Variants in SORCS2 observed in about 807,000 individuals in gnomAD.
The protein encoded by SORCS2 is VPS10 domain-containing receptor SorCS2.
SORCS2 carries 100 observed loss-of-function variants against 141.6 expected under a neutral mutation model. The ratio of observed to expected loss-of-function variants is 0.71; its 90% CI spans 0.60 to 0.83. SORCS2 has a LOEUF of 0.83. Among genes scored for constraint, SORCS2 ranks in the 40% least tolerant of loss-of-function variants. SORCS2 has a pLI of 0.00. For missense variants in SORCS2, 1,646 were observed against 1,560.2 expected (o/e 1.05, Z -0.93); for synonymous variants, 789 against 676.9 (o/e 1.17, Z -2.57).
intron 3 of SORCS2, among the ~76,000 whole-genome samples, chr4:7,596,436 A>T (rs1472768571): frequency 6.6e-6 from 1 of 152,200 alleles, no homozygotes; most frequent in Non-Finnish European, 1.5e-5. Context: ...AGTGCCCTTC[A>T]GGTGCCAAGA....
At chr4:7,379,655 G>A (rs1722867654) in intron 1 of SORCS2, among the ~76,000 whole-genome samples, 1 of 152,194 alleles carries the variant, frequency 6.6e-6, no homozygotes, top group South Asian at 2.1e-4. Flanking sequence ...CCTGCCCAAA[G>A]CCACATAGCC....
intron 1 of SORCS2, among the ~76,000 whole-genome samples, chr4:7,386,106 C>A (rs1560239131): frequency 6.6e-6 from 1 of 151,778 alleles, no homozygotes; most frequent in African/African-American, 2.4e-5. Flanking sequence ...TGCACACACA[C>A]ATGGACATAC....
intron 3 of SORCS2, among the ~76,000 whole-genome samples, chr4:7,596,778 G>A (rs561864374): frequency 1.1e-4 from 16 of 152,194 alleles, no homozygotes; most frequent in African/African-American, 3.9e-4. Context: ...GAGGTGCAAG[G>A]GGCTTTCATG....
intron 3 of SORCS2, among the ~76,000 whole-genome samples, chr4:7,607,297 C>A (rs1465639075): frequency 2.0e-5 from 3 of 152,202 alleles, no homozygotes; most frequent in South Asian, 2.1e-4. Context: ...GAGACAGATG[C>A]TCCACGCAGA....
rs745781465 is a variant in SORCS2 at position 7,304,638 on chromosome 4, T to G, written c.481-91650T>G. 1.6e-4 allele frequency among the ~76,000 whole-genome samples: 24 copies of G among 152,226 alleles called. 1 individual carries two copies. The highest frequency in any genetic ancestry group is 3.1e-4 in the Non-Finnish European group (21 of 68,040). On this transcript the variant is annotated intron_variant, in intron 1 of 26. Coordinates refer to ENST00000507866, the MANE Select transcript of SORCS2 (RefSeq NM_020777.3). ...AGCCCTCGATTCTTCCTCTCAGAGC[T>G]GCACCTTGAGCTGAGTGGAGGGAGC...
intron 1 of SORCS2, among the ~76,000 whole-genome samples, chr4:7,268,061 T>C (rs930268113): frequency 2.4e-4 from 37 of 152,200 alleles, no homozygotes; most frequent in African/African-American, 8.7e-4. Flanking sequence ...TCTGGTTGTC[T>C]ACACAGCCTG....
intron 2 of SORCS2, chr4:7,434,262 G>A: frequency 6.2e-7 from 1 of 1,613,384 alleles, no homozygotes; most frequent in Non-Finnish European, 8.5e-7. Context: ...GGATGTTCAA[G>A]TCGGCCAAGG....
intron 3 of SORCS2, among the ~76,000 whole-genome samples, chr4:7,590,308 A>G (rs1716831350): frequency 6.6e-6 from 1 of 152,206 alleles, no homozygotes; most frequent in South Asian, 2.1e-4. Context: ...TTGATTACCG[A>G]ATGAGTCATG....
intron 2 of SORCS2, among the ~76,000 whole-genome samples, chr4:7,501,590 G>A (rs1223052808): frequency 2.0e-5 from 3 of 152,216 alleles, no homozygotes; most frequent in African/African-American, 4.8e-5. Context: ...ACTGAACCCT[G>A]GCAAGGCAGA....
At chr4:7,250,711 C>A (rs974237426) in intron 1 of SORCS2, among the ~76,000 whole-genome samples, 3 of 152,200 alleles carry the variant, frequency 2.0e-5, no homozygotes, top group African/African-American at 7.2e-5. Context: ...TACAAAGAGG[C>A]GAGGCCGAGG....
intron 1 of SORCS2, among the ~76,000 whole-genome samples, chr4:7,257,845 C>T (rs1235695222): frequency 6.6e-6 from 1 of 152,216 alleles, no homozygotes; most frequent in Non-Finnish European, 1.5e-5. Flanking sequence ...CCATTGGGTT[C>T]AGTCAACGAG....
chr4:7,340,492 G>A (rs1248789918), intron 1 of SORCS2, among the ~76,000 whole-genome samples: 2 of 152,236 alleles, frequency 1.3e-5, no homozygotes, highest in African/African-American at 4.8e-5. Flanking sequence ...GAAGGTGCCA[G>A]CTTCCTCTGG....
chr4:7,269,904 G>A (rs888623890), intron 1 of SORCS2, among the ~76,000 whole-genome samples: 3 of 152,182 alleles, frequency 2.0e-5, no homozygotes, highest in African/African-American at 7.2e-5. Flanking sequence ...TTTTGAGATG[G>A]AGTCTCACTT....
chr4:7,509,036 C>T (rs1325609260), intron 2 of SORCS2, among the ~76,000 whole-genome samples: 1 of 152,160 alleles, frequency 6.6e-6, no homozygotes, highest in Non-Finnish European at 1.5e-5. Context: ...GGCGACCTTT[C>T]GTGGGTAACC....
intron 2 of SORCS2, among the ~76,000 whole-genome samples, chr4:7,412,763 C>T (rs1471595416): frequency 6.6e-6 from 1 of 152,052 alleles, no homozygotes; most frequent in Non-Finnish European, 1.5e-5. Context: ...TCACCTGTCC[C>T]CCTGGGCTCA....
chr4:7,596,466 G>A (rs1000072724), intron 3 of SORCS2, among the ~76,000 whole-genome samples: 7 of 152,168 alleles, frequency 4.6e-5, no homozygotes, highest in African/African-American at 1.7e-4. Context: ...TTGACTCAGG[G>A]AAAATGCTGT....
At chr4:7,421,416 C>G (rs768798643) in intron 2 of SORCS2, among the ~76,000 whole-genome samples, 5 of 152,172 alleles carry the variant, frequency 3.3e-5, no homozygotes, top group Non-Finnish European at 7.4e-5. Flanking sequence ...GACTTTCCCC[C>G]TCTGAGCCTG....
rs899705230 is a variant in SORCS2, at chr4:7,299,015, C to T, written c.481-97273C>T. Among the ~76,000 whole-genome samples the T allele has an allele frequency of 2.6e-5, 4 of 152,268 alleles. No individual in the cohort carries two copies. In the East Asian group the frequency reaches 7.7e-4, roughly 29 times the overall value. On this transcript the variant is annotated intron_variant, in intron 1 of 26. Transcript: ENST00000507866. The stretch of plus-strand genomic sequence containing the variant: ...TTAGTGGGGCATTAGCGGGAGGCCT[C>T]ACAAAAGGGCCGTTCTGGCCCCGCC...
At chr4:7,264,235 T>A (rs1199976875) in intron 1 of SORCS2, among the ~76,000 whole-genome samples, 1 of 152,206 alleles carries the variant, frequency 6.6e-6, no homozygotes, top group African/African-American at 2.4e-5. Context: ...AGAGGGCAGG[T>A]ATTTCTCCAG....
Sources: allele counts gnomAD v4.1 joint callset (sites outside exome capture counted in the v4.1 genomes callset), GRCh38; gene constraint gnomAD v4.1.1; transcripts MANE v1.5; gene names NCBI Gene and HGNC (gene_info 2026-07-23, HGNC 2026-07-21).